The following TNR variants were observed in gnomAD, a reference collection of about 807,000 sequenced individuals.
The protein encoded by TNR is tenascin-R.
A neutral mutation model predicts 150.4 loss-of-function variants in TNR; 45 were observed. That is an observed-to-expected ratio of 0.30 (90% CI 0.24 to 0.38). The LOEUF (loss-of-function observed/expected upper bound fraction) is 0.38, where lower values mean the gene tolerates loss of function less well. Ranked by LOEUF, TNR falls within the 10% of genes least tolerant of loss-of-function variation. The pLI is 1.00. For synonymous variants in TNR, 687 were observed against 678.4 expected, an observed-to-expected ratio of 1.01 and a Z score of -0.20; for missense variants, 1,544 against 1,759.1, an observed-to-expected ratio of 0.88 and a Z score of 2.19.
At chr1:175,527,378 G>A (rs1295967919) in intron 2 of TNR, among the ~76,000 whole-genome samples, 2 of 152,158 alleles carry the variant, frequency 1.3e-5, no homozygotes, top group African/African-American at 2.4e-5. Context: ...TTCAAACATG[G>A]GGCTTCAGAA....
At chr1:175,353,855 T>TTTA (rs1557880551) in intron 18 of TNR, among the ~76,000 whole-genome samples, 56 of 119,536 alleles carry the variant, frequency 4.7e-4, no homozygotes, top group African/African-American at 1.9e-3. Context: ...TTATTTATTT[T>TTTA]TTTTTTTTGA....
intron 18 of TNR, among the ~76,000 whole-genome samples, chr1:175,344,836 A>G (rs1650701051): frequency 1.3e-5 from 2 of 152,212 alleles, no homozygotes; most frequent in Admixed American, 1.3e-4. Context: ...AAGAGGGAAC[A>G]TTGCGCAACT....
intron 12 of TNR, among the ~76,000 whole-genome samples, chr1:175,364,597 A>G (rs920038571): frequency 3.3e-5 from 5 of 152,248 alleles, no homozygotes; most frequent in African/African-American, 1.2e-4. Flanking sequence ...TGCTAGTCCC[A>G]TGTGAGACTA....
At chr1:175,517,971 G>T (rs573276353) in intron 2 of TNR, among the ~76,000 whole-genome samples, 27 of 152,298 alleles carry the variant, frequency 1.8e-4, no homozygotes, top group Admixed American at 5.9e-4. Flanking sequence ...TGCTAGACAA[G>T]CACAAGAAAG....
At chr1:175,538,533 C>CT (rs1374800892) in intron 1 of TNR, among the ~76,000 whole-genome samples, 2 of 152,158 alleles carry the variant, frequency 1.3e-5, no homozygotes, top group African/African-American at 2.4e-5. Context: ...AAAACCTTGA[C>CT]TTCTTGGGGT....
At chr1:175,387,477 GGGAAAGAGGGAGAAAA>G (rs996230330) in intron 7 of TNR, among the ~76,000 whole-genome samples, 25 of 152,190 alleles carry the variant, frequency 1.6e-4, no homozygotes, top group African/African-American at 5.1e-4. Context: ...TGGAGAAAAG[GGGAAAGAGGGAGAAAA>G]GGAAAGAGGG....
chr1:175,336,523 G>A (rs1328227157), intron 19 of TNR, among the ~76,000 whole-genome samples: 1 of 152,230 alleles, frequency 6.6e-6, no homozygotes, highest in Non-Finnish European at 1.5e-5. Flanking sequence ...ATCCTAAAGC[G>A]ATCCAGCTAA....
rs148223592 is a variant in TNR at position 175,705,060 on chromosome 1, A to G, written c.-165+38166T>C. The stretch of plus-strand genomic sequence containing the variant: ...TCCTTCAGCTGGGCTAAGGGCAGGA[A>G]GGTCTCAAACGTGAGCGCCTGGTGT... On this transcript the variant is annotated intron_variant, in intron 1 of 22. Coordinates refer to ENST00000367674, the MANE Select transcript of TNR (RefSeq NM_003285.3). Among the ~76,000 whole-genome samples, 629 of 152,304 alleles carry G rather than the reference A, an allele frequency of 4.1e-3. 9 individuals are homozygous for G. The highest frequency in any genetic ancestry group is 0.014 in the African/African-American group (579 of 41,560).
chr1:175,583,596 G>T (rs1662449137), intron 1 of TNR, among the ~76,000 whole-genome samples: 1 of 152,176 alleles, frequency 6.6e-6, no homozygotes, highest in Non-Finnish European at 1.5e-5. Context: ...AGACTGCATG[G>T]ACTGGTCAGT....
Position 175,318,287 on chromosome 1 carries a change from T to C in TNR, c.*5070A>G, listed in dbSNP as rs986182288. ...CTGCCTTTCAGTGTGGTGCCACCGG[T>C]AGAAGGCTTGTTTTGAATCTCCAAT... On this transcript the variant is annotated 3_prime_UTR_variant, in exon 23 of 23. Coordinates refer to ENST00000367674, the MANE Select transcript of TNR (RefSeq NM_003285.3). The C allele has an allele frequency of 7.2e-5, 11 of 152,264 alleles. No individual in the cohort carries two copies. Among genetic ancestry groups the C allele is most frequent in the African/African-American group, 2.4e-4 (10 of 41,478 alleles). The allele number at this position is 152,264 out of a possible 1,614,324, so 9.4% of individuals were successfully genotyped here. A position where few individuals can be genotyped will look rare whatever the true frequency, so the allele number is the denominator to read the frequency against.
intron 1 of TNR, among the ~76,000 whole-genome samples, chr1:175,564,911 G>T (rs1290128277): frequency 6.6e-6 from 1 of 152,140 alleles, no homozygotes; most frequent in African/African-American, 2.4e-5. Flanking sequence ...CTGCACCCTT[G>T]CCCTTTCCTT....
At chr1:175,633,593 C>T (rs1448765633) in intron 1 of TNR, among the ~76,000 whole-genome samples, 1 of 152,102 alleles carries the variant, frequency 6.6e-6, no homozygotes, top group African/African-American at 2.4e-5. Context: ...TATTTAATTA[C>T]CAAATCTCAC....
intron 18 of TNR, among the ~76,000 whole-genome samples, chr1:175,347,133 G>A (rs1650831944): frequency 6.6e-6 from 1 of 151,926 alleles, no homozygotes; most frequent in African/African-American, 2.4e-5. Context: ...ATTTCTCTAA[G>A]GATTGTAATT....
chr1:175,686,517 G>A (rs769733406), intron 1 of TNR, among the ~76,000 whole-genome samples: 3 of 152,194 alleles, frequency 2.0e-5, no homozygotes, highest in Non-Finnish European at 4.4e-5. Flanking sequence ...TCTGGGGTAT[G>A]TGTGCAGATT....
At chr1:175,462,856 G>A (rs1656876949) in intron 2 of TNR, among the ~76,000 whole-genome samples, 1 of 152,230 alleles carries the variant, frequency 6.6e-6, no homozygotes, top group Non-Finnish European at 1.5e-5. Flanking sequence ...AGCAATGGTT[G>A]AAAGGGCTAT....
chr1:175,565,909 T>C (rs1202982892), intron 1 of TNR, among the ~76,000 whole-genome samples: 2 of 152,166 alleles, frequency 1.3e-5, no homozygotes, highest in Non-Finnish European at 2.9e-5. Flanking sequence ...AGGAAGGATG[T>C]GAATTGAAAC....
In TNR at chr1:175,318,142, G is replaced by C. The variant is rs909468077; in HGVS notation, c.*5215C>G. On this transcript the variant is annotated 3_prime_UTR_variant, in exon 23 of 23. Transcript: ENST00000367674. Reference sequence around the variant, plus strand: ...GGTTTTCGGTGCAGTGACAGGCCTTGGTGCCTTAGTTTCTCCTCAAGTTAA... The same window carrying C: ...GGTTTTCGGTGCAGTGACAGGCCTTCGTGCCTTAGTTTCTCCTCAAGTTAA... The C allele has an allele frequency of 2.0e-5, 3 of 152,270 alleles. No homozygotes were observed. Among genetic ancestry groups the C allele is most frequent in the Admixed American group, 1.3e-4 (2 of 15,284 alleles). 9.4% of individuals were successfully genotyped at this position (152,270 alleles called of 1,614,324 possible).
chr1:175,349,862 T>C (rs970778333), intron 18 of TNR, among the ~76,000 whole-genome samples: 1 of 152,222 alleles, frequency 6.6e-6, no homozygotes, highest in Non-Finnish European at 1.5e-5. Flanking sequence ...GAAGGTAGAC[T>C]TCTCCTTTTA....
Position 175,321,837 on chromosome 1 carries a change from C to T in TNR, c.*1520G>A, listed in dbSNP as rs952860801. ...ATGGAAAGGCTTCTCATGATCTCACCTCATTAAGAAGGTCATTCCTGTTTC... is the reference window on the plus strand; with the variant it reads ...ATGGAAAGGCTTCTCATGATCTCACTTCATTAAGAAGGTCATTCCTGTTTC... On this transcript the variant is annotated 3_prime_UTR_variant, in exon 23 of 23. Transcript: ENST00000367674. The T allele has an allele frequency of 2.6e-5, 4 of 152,016 alleles. No homozygotes were observed. Among genetic ancestry groups the T allele is most frequent in the Non-Finnish European group, 4.4e-5 (3 of 68,008 alleles). The allele number at this position is 152,016 out of a possible 1,614,324, so 9.4% of individuals were successfully genotyped here.
Sources: allele counts gnomAD v4.1 joint callset (sites outside exome capture counted in the v4.1 genomes callset), GRCh38; gene constraint gnomAD v4.1.1; transcripts MANE v1.5; gene names NCBI Gene and HGNC (gene_info 2026-07-23, HGNC 2026-07-21).